Variants in CENPP observed in about 807,000 individuals in gnomAD.
The protein encoded by CENPP is centromere protein P.
A neutral mutation model predicts 35.6 loss-of-function variants in CENPP; 24 were observed. The ratio of observed to expected loss-of-function variants is 0.67; its 90% CI spans 0.49 to 0.95. CENPP has a LOEUF of 0.95. Ranked by LOEUF, CENPP falls within the 40% of genes least tolerant of loss-of-function variation. The pLI is 0.00. For synonymous variants in CENPP, 120 were observed against 125.5 expected (o/e 0.96, Z 0.29); for missense variants, 332 against 345.3 (o/e 0.96, Z 0.31).
intron 5 of CENPP, chr9:92,522,528 C>G: frequency 6.7e-7 from 1 of 1,499,968 alleles, no homozygotes; most frequent in South Asian, 1.4e-5. Context: ...CATACCATCT[C>G]TCACCCTCCT....
At chr9:92,612,688 G>T (rs1413103819) in intron 7 of CENPP, 74 bp downstream of exon 7, 25 of 1,054,394 alleles carry the variant, frequency 2.4e-5, no homozygotes, top group Non-Finnish European at 3.5e-5. Context: ...GTTTCCTCTG[G>T]GTTTCAAAGG....
intron 5 of CENPP, chr9:92,456,886 C>CAA: frequency 1.1e-6 from 1 of 929,986 alleles, no homozygotes. Context: ...TTTGTTAATT[C>CAA]TGTTTTTCTA....
At chr9:92,508,938 A>G (rs1847171436) in intron 5 of CENPP, among the ~76,000 whole-genome samples, 1 of 152,116 alleles carries the variant, frequency 6.6e-6, no homozygotes, top group Admixed American at 6.5e-5. Flanking sequence ...CTAGACTATT[A>G]GGAAGATAAA....
intron 5 of CENPP, chr9:92,522,554 T>A: frequency 6.4e-7 from 1 of 1,562,818 alleles, no homozygotes; most frequent in Non-Finnish European, 8.7e-7. Flanking sequence ...TTTCTGTCTC[T>A]CTCTCATAGT....
At chr9:92,360,865 C>T (rs982984111) in intron 4 of CENPP, among the ~76,000 whole-genome samples, 13 of 150,780 alleles carry the variant, frequency 8.6e-5, no homozygotes, top group Non-Finnish European at 1.3e-4. Context: ...CCACCACACC[C>T]GGCTAATTAT....
intron 5 of CENPP, among the ~76,000 whole-genome samples, chr9:92,412,532 C>T (rs1268963325): frequency 6.6e-6 from 1 of 152,206 alleles, no homozygotes; most frequent in African/African-American, 2.4e-5. Flanking sequence ...CCATGATCCC[C>T]AGCTCTAGGC....
At chr9:92,379,336 T>C (rs1316327393) in intron 4 of CENPP, among the ~76,000 whole-genome samples, 1 of 152,196 alleles carries the variant, frequency 6.6e-6, no homozygotes, top group African/African-American at 2.4e-5. Context: ...CAGCCTCCAG[T>C]CTGCAATACG....
At chr9:92,520,909 A>G (rs895510168) in intron 5 of CENPP, among the ~76,000 whole-genome samples, 1 of 152,254 alleles carries the variant, frequency 6.6e-6, no homozygotes, top group African/African-American at 2.4e-5. Context: ...CAGAATAGGC[A>G]AATTCATAGA....
intron 5 of CENPP, among the ~76,000 whole-genome samples, chr9:92,467,087 G>A (rs1845342986): frequency 6.6e-6 from 1 of 152,136 alleles, no homozygotes; most frequent in African/African-American, 2.4e-5. Flanking sequence ...TCAGCATTCT[G>A]GCATATTTTA....
chr9:92,481,737 T>C (rs1287886659), intron 5 of CENPP, among the ~76,000 whole-genome samples: 1 of 152,160 alleles, frequency 6.6e-6, no homozygotes, highest in African/African-American at 2.4e-5. Flanking sequence ...TGAATAGATT[T>C]CCATTTGAAC....
intron 2 of CENPP, among the ~76,000 whole-genome samples, chr9:92,336,472 C>T (rs1351932084): frequency 6.6e-6 from 1 of 152,160 alleles, no homozygotes; most frequent in Non-Finnish European, 1.5e-5. Context: ...TTTCAGTTTT[C>T]CTGGCTCTAC....
intron 1 of CENPP, among the ~76,000 whole-genome samples, chr9:92,328,728 A>C (rs943472937): frequency 6.6e-6 from 1 of 152,270 alleles, no homozygotes; most frequent in Non-Finnish European, 1.5e-5. Context: ...AAAACCACAA[A>C]GTGAATAAAA....
chr9:92,459,499 A>G, intron 5 of CENPP: 1 of 817,250 alleles, frequency 1.2e-6, no homozygotes, highest in Non-Finnish European at 1.9e-6. Context: ...AAAACACCTC[A>G]TGCAACCTGG....
chr9:92,618,237 G>C lies in CENPP; in HGVS notation c.*5088G>C, dbSNP rs1406816695. ...TGGCTAGAGTGCTTTGTGCAGGATG[G>C]TTCCAGTGCCTACACCCTAGGTCTG... is the stretch of plus-strand genomic sequence containing the variant. On this transcript the variant is annotated 3_prime_UTR_variant, in exon 8 of 8. Coordinates refer to ENST00000375587, the MANE Select transcript of CENPP (RefSeq NM_001012267.3). The C allele has an allele frequency of 6.6e-6, 3 of 456,496 alleles. No individual in the cohort carries two copies. The highest frequency in any genetic ancestry group is 6.0e-5 in the African/African-American group (3 of 50,028). The allele number at this position is 456,496 out of a possible 1,614,324, so 28.3% of individuals were successfully genotyped here. A position where few individuals can be genotyped will look rare whatever the true frequency, so the allele number is the denominator to read the frequency against.
At chr9:92,507,508 A>T (rs1309769750) in intron 5 of CENPP, among the ~76,000 whole-genome samples, 1 of 152,200 alleles carries the variant, frequency 6.6e-6, no homozygotes. Flanking sequence ...AGGAAATAGG[A>T]TGGAGCTAGA....
At chr9:92,430,772 TTTGTTGTTG>T (rs529838846) in intron 5 of CENPP, among the ~76,000 whole-genome samples, 1 of 152,004 alleles carries the variant, frequency 6.6e-6, no homozygotes, top group Non-Finnish European at 1.5e-5. Context: ...TATGGTTTCT[TTTGTTGTTG>T]TTGTTGTTGT....
chr9:92,612,490 A>G, intron 6 of CENPP, 33 bp from the exon 7 acceptor site: 1 of 1,540,134 alleles, frequency 6.5e-7, no homozygotes, highest in East Asian at 2.2e-5. Context: ...GATTTCAAAA[A>G]GCACATAACG....
chr9:92,440,208 C>T (rs969358069), intron 5 of CENPP, among the ~76,000 whole-genome samples: 2 of 152,018 alleles, frequency 1.3e-5, no homozygotes, highest in African/African-American at 4.8e-5. Context: ...CCAGCACTTA[C>T]GTTGTAGTAA....
chr9:92,431,214 A>G (rs1844100402), intron 5 of CENPP, among the ~76,000 whole-genome samples: 1 of 152,230 alleles, frequency 6.6e-6, no homozygotes, highest in Admixed American at 6.5e-5. Context: ...CATTAATTGA[A>G]TAGTCCACCT....
Sources: allele counts gnomAD v4.1 joint callset (sites outside exome capture counted in the v4.1 genomes callset), GRCh38; gene constraint gnomAD v4.1.1; transcripts MANE v1.5; gene names NCBI Gene and HGNC (gene_info 2026-07-23, HGNC 2026-07-21).